The following ARHGAP42 variants were observed in gnomAD, a reference collection of about 807,000 sequenced individuals.
ARHGAP42 encodes rho GTPase-activating protein 42.
In ARHGAP42, 63 loss-of-function variants were observed where a neutral mutation model predicts 125.0. The observed-to-expected ratio is 0.50, with a 90% CI of 0.41 to 0.62. The LOEUF is 0.62. Ranked by LOEUF, ARHGAP42 falls within the 20% of genes least tolerant of loss-of-function variation. ARHGAP42 has a pLI of 0.00. For synonymous variants in ARHGAP42, 339 were observed against 351.0 expected, an observed-to-expected ratio of 0.97 and a Z score of 0.38; for missense variants, 766 against 1,024.2, an observed-to-expected ratio of 0.75 and a Z score of 3.44.
intron 2 of ARHGAP42, among the ~76,000 whole-genome samples, chr11:100,775,551 G>A (rs1863098952): frequency 2.0e-5 from 3 of 152,152 alleles, no homozygotes; most frequent in African/African-American, 7.2e-5. Context: ...GGAAATAAAA[G>A]GTTATTTGTG....
chr11:100,739,023 G>C (rs932693527), intron 1 of ARHGAP42, among the ~76,000 whole-genome samples: 3 of 152,184 alleles, frequency 2.0e-5, no homozygotes, highest in Non-Finnish European at 2.9e-5. Flanking sequence ...GACCTAGTTT[G>C]AGATCTTTTT....
At chr11:100,758,267 T>C (rs1458373529) in intron 1 of ARHGAP42, among the ~76,000 whole-genome samples, 1 of 152,226 alleles carries the variant, frequency 6.6e-6, no homozygotes, top group East Asian at 1.9e-4. Context: ...GATTTTATTA[T>C]TGGATCCGGG....
intron 1 of ARHGAP42, among the ~76,000 whole-genome samples, chr11:100,691,385 C>T (rs1314306549): frequency 2.0e-5 from 3 of 151,918 alleles, no homozygotes; most frequent in Non-Finnish European, 4.4e-5. Context: ...TTTTTCTTGT[C>T]TTTATACTTT....
intron 1 of ARHGAP42, among the ~76,000 whole-genome samples, chr11:100,736,316 A>C (rs1313545879): frequency 3.3e-5 from 5 of 152,126 alleles, no homozygotes; most frequent in Admixed American, 3.3e-4. Context: ...CTTTATATGG[A>C]TGCATGCCGG....
chr11:100,740,358 A>G (rs1222260259), intron 1 of ARHGAP42, among the ~76,000 whole-genome samples: 1 of 152,124 alleles, frequency 6.6e-6, no homozygotes, highest in African/African-American at 2.4e-5. Flanking sequence ...CACTGAATTT[A>G]TTTCTCCCAT....
intron 4 of ARHGAP42, 57 bp from the exon 5 acceptor site, chr11:100,913,395 C>T (rs1451024893): frequency 5.6e-6 from 4 of 719,912 alleles, no homozygotes; most frequent in South Asian, 1.9e-5. Flanking sequence ...TGGTGAAAGT[C>T]GGGGTTTTCT....
intron 3 of ARHGAP42, among the ~76,000 whole-genome samples, chr11:100,811,417 C>G (rs550330713): frequency 2.0e-5 from 3 of 151,986 alleles, no homozygotes; most frequent in African/African-American, 7.2e-5. Flanking sequence ...TGGCCAAAAT[C>G]ACGGAAGTAG....
intron 1 of ARHGAP42, among the ~76,000 whole-genome samples, chr11:100,728,451 A>G (rs1249141513): frequency 7.9e-5 from 12 of 152,002 alleles, no homozygotes; most frequent in Non-Finnish European, 1.5e-4. Context: ...AACACTGAAG[A>G]CTGTAGAGTT....
At chr11:100,921,202 A>ATATATATAT in intron 5 of ARHGAP42, among the ~76,000 whole-genome samples, 1 of 39,292 alleles carries the variant, frequency 2.5e-5, no homozygotes, top group African/African-American at 1.0e-4. Context: ...CCCCTCTTGT[A>ATATATATAT]ATATATATAT....
chr11:100,902,227 G>A (rs774745332), intron 4 of ARHGAP42, among the ~76,000 whole-genome samples: 2 of 152,160 alleles, frequency 1.3e-5, no homozygotes, highest in Non-Finnish European at 2.9e-5. Context: ...AAGCAGTTGT[G>A]CTGTTTAATG....
intron 4 of ARHGAP42, among the ~76,000 whole-genome samples, chr11:100,870,696 G>C (rs1369221060): frequency 1.3e-5 from 2 of 152,126 alleles, no homozygotes; most frequent in African/African-American, 4.8e-5. Context: ...AATAAAATTG[G>C]AAACACTGTA....
chr11:100,816,006 A>G (rs1445645365), intron 3 of ARHGAP42, among the ~76,000 whole-genome samples: 1 of 152,230 alleles, frequency 6.6e-6, no homozygotes, highest in Non-Finnish European at 1.5e-5. Flanking sequence ...GCTGAATAAT[A>G]TTCCATTGTA....
intron 22 of ARHGAP42, among the ~76,000 whole-genome samples, chr11:100,985,473 C>G (rs558999876): frequency 6.6e-6 from 1 of 152,214 alleles, no homozygotes; most frequent in East Asian, 1.9e-4. Flanking sequence ...AGTTTATATT[C>G]TATTTGAGAC....
chr11:100,856,707 T>C lies in ARHGAP42; in HGVS notation c.313-2847T>C, dbSNP rs968868807. On this transcript the variant is annotated intron_variant, in intron 3 of 23. Transcript: ENST00000298815. ...TAATCTGGATTTCAATTTCTAGCTT[T>C]GAATAACTACATTTTAAATCATTTG... 2.0e-5 allele frequency among the ~76,000 whole-genome samples: 3 copies of C among 152,206 alleles called. No individual in the cohort carries two copies. In the South Asian group the frequency reaches 6.2e-4, roughly 31 times the overall value.
chr11:100,934,525 A>T (rs1178929171), intron 7 of ARHGAP42, among the ~76,000 whole-genome samples: 1 of 152,226 alleles, frequency 6.6e-6, no homozygotes, highest in Non-Finnish European at 1.5e-5. Flanking sequence ...ATAGCTATAC[A>T]AATTCTGATG....
chr11:100,976,694 A>T (rs1858399639), intron 20 of ARHGAP42, 121 bp from the exon 21 acceptor site: 3 of 1,291,870 alleles, frequency 2.3e-6, no homozygotes, highest in Admixed American at 2.5e-5. Context: ...CTCAAAGAAC[A>T]TTCTGTACCT....
intron 4 of ARHGAP42, among the ~76,000 whole-genome samples, chr11:100,910,802 T>G (rs1295253922): frequency 6.6e-6 from 1 of 151,944 alleles, no homozygotes; most frequent in East Asian, 1.9e-4. Context: ...TTTAATTTTA[T>G]GCTTAAACTG....
intron 3 of ARHGAP42, among the ~76,000 whole-genome samples, chr11:100,848,494 T>C (rs575860356): frequency 3.5e-4 from 53 of 151,896 alleles, no homozygotes; most frequent in Non-Finnish European, 5.4e-4. Context: ...TAACTTTTCT[T>C]TTTCTTTCTT....
intron 22 of ARHGAP42, chr11:100,986,478 T>C (rs1393352855): frequency 5.6e-6 from 1 of 178,812 alleles, no homozygotes; most frequent in East Asian, 1.7e-4. Context: ...TGCATATAGT[T>C]TGTGGGCCAG....
Sources: gnomAD v4.1 joint callset for allele counts (sites outside exome capture counted in the v4.1 genomes callset) on GRCh38, gnomAD v4.1.1 for gene constraint, MANE v1.5 for transcripts, NCBI Gene and HGNC (gene_info 2026-07-23, HGNC 2026-07-21) for gene names.